GEN1: variants seen among roughly 807,000 people sequenced by gnomAD.
GEN1 encodes the protein GEN1 structure-specific endonuclease, also known as flap endonuclease GEN homolog 1.
Under a neutral mutation model 67.6 loss-of-function variants are expected in GEN1, and 64 were observed. The observed-to-expected ratio is 0.95, with a 90% CI of 0.77 to 1.17. The LOEUF (loss-of-function observed/expected upper bound fraction) is 1.17, where lower values mean the gene tolerates loss of function less well. Ranked by LOEUF, GEN1 falls within the 50% of genes most tolerant of loss-of-function variation. The pLI is 0.00. For synonymous variants in GEN1, 371 were observed against 359.4 expected (o/e 1.03, Z -0.37); for missense variants, 1,058 against 1,048.3 (o/e 1.01, Z -0.13).
At chr2:17,762,926 G>C (rs1671754570) in intron 3 of GEN1, among the ~76,000 whole-genome samples, 2 of 152,152 alleles carry the variant, frequency 1.3e-5, no homozygotes, top group African/African-American at 4.8e-5. Flanking sequence ...TAGGAGGCTT[G>C]TCTTTGTAAT....
chr2:17,768,569 T>C lies in GEN1; in HGVS notation c.637-169T>C, dbSNP rs968902488. Among the ~76,000 whole-genome samples the C allele has an allele frequency of 4.6e-5, 7 of 152,238 alleles. No individual in the cohort carries two copies. The East Asian group carries it at 1.2e-3, about 25-fold the overall frequency. On this transcript the variant is annotated intron_variant, in intron 5 of 13. Coordinates refer to ENST00000381254, the MANE Select transcript of GEN1 (RefSeq NM_001130009.3). ...TTACAAATCCTGATCATATACACTA[T>C]TGTGAAGTTTTTGTTTTATGCATAG...
Position 17,784,305 on chromosome 2 carries a change from A to T in GEN1, c.*2366A>T, listed in dbSNP as rs893423785. ...ACACCCAATGTCTACAATCAAAAAG[A>T]TAATAACTAGTATTGATGAGGATGT... is the stretch of plus-strand genomic sequence containing the variant. On this transcript the variant is annotated 3_prime_UTR_variant, in exon 14 of 14. Transcript: ENST00000381254. 1 of 152,226 alleles carries T rather than the reference A, an allele frequency of 6.6e-6. No individual in the cohort carries two copies. The highest frequency in any genetic ancestry group is 2.1e-4 in the South Asian group (1 of 4,832). 9.4% of individuals were successfully genotyped at this position (152,226 alleles called of 1,614,324 possible).
rs1672914003 is a variant in GEN1 at position 17,782,969 on chromosome 2, T to C, written c.*1030T>C. ...TGTATGCATCAAAAATTCTAAGAAA[T>C]CCACTAGAAAACTATTAAAACTGAT... is the stretch of plus-strand genomic sequence containing the variant. On this transcript the variant is annotated 3_prime_UTR_variant, in exon 14 of 14. Coordinates refer to ENST00000381254, the MANE Select transcript of GEN1 (RefSeq NM_001130009.3). 1 of 152,126 alleles carries C rather than the reference T, an allele frequency of 6.6e-6. No individual in the cohort carries two copies. The highest frequency in any genetic ancestry group is 2.4e-5 in the African/African-American group (1 of 41,432). 9.4% of individuals were successfully genotyped at this position (152,126 alleles called of 1,614,324 possible).
Position 17,771,270 on chromosome 2 carries a change from C to T in GEN1, c.785C>T (p.Ser262Phe). ...GTCACTAAAAAACTGGCTCATTGTTCCGTATGTTCCCATCCAGGTAAGGAG... is the reference window on the plus strand; with the variant it reads ...GTCACTAAAAAACTGGCTCATTGTTTCGTATGTTCCCATCCAGGTAAGGAG... ...LLVTKKLAHCSVCSHPGSPKD... is the reference protein window; with the variant it reads ...LLVTKKLAHCFVCSHPGSPKD... Residue 262 changes from serine to phenylalanine, a missense_variant, in exon 7 of 14, where the codon TCC (serine) becomes TTC (phenylalanine). Ser to Phe is a radical substitution (Grantham distance 155, BLOSUM62 -2). Transcript: ENST00000381254. 6.3e-7 allele frequency: 1 copy of T among 1,599,724 alleles called. No individual in the cohort carries two copies. The highest frequency in any genetic ancestry group is 8.6e-7 in the Non-Finnish European group (1 of 1,167,310).
chr2:17,763,939 T>A (rs930600718), intron 3 of GEN1, among the ~76,000 whole-genome samples: 1 of 152,244 alleles, frequency 6.6e-6, no homozygotes, highest in Non-Finnish European at 1.5e-5. Context: ...ATTTATTCTG[T>A]CAGTCTCTAG....
In GEN1 at chr2:17,768,726, A is replaced by G. The variant is rs1377858827; in HGVS notation, c.637-12A>G. On this transcript the variant is annotated splice_polypyrimidine_tract_variant and intron_variant, in intron 5 of 13. Transcript: ENST00000381254. The stretch of plus-strand genomic sequence containing the variant: ...TAACATTGGAATTATTTTTTTTCCC[A>G]CTTTCTGAAAGGGAGTCCCTGGAGT... 2 of 1,594,558 alleles carry G rather than the reference A, an allele frequency of 1.3e-6. No individual in the cohort carries two copies. Among genetic ancestry groups the G allele is most frequent in the Admixed American group, 3.4e-5 (2 of 58,680 alleles).
Position 17,783,258 on chromosome 2 carries a change from CT to C in GEN1, c.*1321del, listed in dbSNP as rs1217604702. 1 of 152,184 alleles carries C rather than the reference CT, an allele frequency of 6.6e-6. No individual in the cohort carries two copies. The highest frequency in any genetic ancestry group is 1.9e-4 in the East Asian group (1 of 5,200). 9.4% of individuals were successfully genotyped at this position (152,184 alleles called of 1,614,324 possible). A position where few individuals can be genotyped will look rare whatever the true frequency, so the allele number is the denominator to read the frequency against. On this transcript the variant is annotated 3_prime_UTR_variant, in exon 14 of 14. Transcript: ENST00000381254. ...ATTTTTAGTAGAGATGGGATTTTCCCTTGTTGGTCAGGCTAGTCATGAACTC... is the reference window on the plus strand; with the variant it reads ...ATTTTTAGTAGAGATGGGATTTTCCCTGTTGGTCAGGCTAGTCATGAACTC...
In GEN1 at chr2:17,781,109, T is replaced by G. The variant is rs145621452; in HGVS notation, c.1897T>G (p.Ser633Ala). ...CTTTGAAAATATCCCAGAACAACTG[T>G]CCTGTGAATCAGAAAGGTACACTGC... ...DGFENIPEQL[S>A]CESERYTANI... Residue 633 changes from serine (S) to alanine (A), a missense_variant, in exon 14 of 14, where the codon TCC becomes GCC. Coordinates refer to ENST00000381254, the MANE Select transcript of GEN1 (RefSeq NM_001130009.3). 88 of 1,613,710 alleles carry G rather than the reference T, an allele frequency of 5.5e-5. No individual in the cohort carries two copies. In the African/African-American group the frequency reaches 1.1e-3, roughly 21 times the overall value.
intron 7 of GEN1, 39 bp downstream of exon 7, chr2:17,771,326 C>A: frequency 8.6e-7 from 1 of 1,165,062 alleles, no homozygotes; most frequent in Non-Finnish European, 1.3e-6. Flanking sequence ...TATCTCATAC[C>A]CATGTTTTAA....
At chr2:17,768,166 G>C (rs1315331610) in intron 5 of GEN1, among the ~76,000 whole-genome samples, 1 of 152,136 alleles carries the variant, frequency 6.6e-6, no homozygotes, top group South Asian at 2.1e-4. Flanking sequence ...CACTTATAGG[G>C]GCTGGAAGAC....
At position 17,764,999 on chromosome 2, in the gene GEN1, T is replaced by G; in HGVS notation, c.451T>G (p.Cys151Gly). The change falls in exon 4 of 14, where the codon TGC becomes GGC. Residue 151 changes from cysteine (C) to glycine (G), a missense_variant. Physicochemically the swap from Cys to Gly is radical, Grantham distance 159. Transcript: ENST00000381254. The part of the protein sequence containing the change: ...YLNAGGHVDG[C>G]LTNDGDTFLY... The stretch of plus-strand genomic sequence containing the variant: ...CAATGCTGGTGGTCATGTCGATGGC[T>G]GCCTCACCAATGATGGAGATACTTT... The G allele has an allele frequency of 1.2e-6, 2 of 1,614,190 alleles. No individual in the cohort carries two copies. Among genetic ancestry groups the G allele is most frequent in the Non-Finnish European group, 1.7e-6 (2 of 1,180,004 alleles).
rs113873109 is a variant in GEN1 at position 17,781,727 on chromosome 2, A to T, written c.2515A>T (p.Lys839Ter). The T allele has an allele frequency of 2.3e-6, 3 of 1,305,722 alleles. No homozygotes were observed. The highest frequency in any genetic ancestry group is 3.2e-6 in the Non-Finnish European group (3 of 927,666). The allele number at this position is 1,305,722 out of a possible 1,614,324, so 80.9% of individuals were successfully genotyped here. A position where few individuals can be genotyped will look rare whatever the true frequency, so the allele number is the denominator to read the frequency against. ...SSHFKESGHN[K>*]LSSPKIHIKE... Reference sequence around the variant, plus strand: ...CCATTTCAAAGAAAGTGGCCATAACAAGTTGAGTAGCCCTAAGATACATAT... The same window carrying T: ...CCATTTCAAAGAAAGTGGCCATAACTAGTTGAGTAGCCCTAAGATACATAT... Residue 839 changes from lysine (K) to a stop codon, truncating the protein, a stop_gained, in exon 14 of 14, where the codon AAG (lysine) becomes TAG (stop). Coordinates refer to ENST00000381254, the MANE Select transcript of GEN1 (RefSeq NM_001130009.3). LOFTEE classifies it low-confidence loss of function (END_TRUNC).
chr2:17,785,736 AT>A lies in GEN1; in HGVS notation c.*3798del, dbSNP rs889466495. 2 of 152,256 alleles carry A rather than the reference AT, an allele frequency of 1.3e-5. No individual in the cohort carries two copies. The highest frequency in any genetic ancestry group is 2.4e-5 in the African/African-American group (1 of 41,400). 9.4% of individuals were successfully genotyped at this position (152,256 alleles called of 1,614,324 possible). On this transcript the variant is annotated 3_prime_UTR_variant, in exon 14 of 14. Coordinates refer to ENST00000381254, the MANE Select transcript of GEN1 (RefSeq NM_001130009.3). ...TGGTGAAACCCCATCTCTACTAAAA[AT>A]ACAAAAATCAGTGGGGCCTGGTGGC...
At position 17,774,342 on chromosome 2, in the gene GEN1, T is replaced by C. The variant is rs1672330574; in HGVS notation, c.1143T>C (p.His381=). 1 of 1,606,548 alleles carries C rather than the reference T, an allele frequency of 6.2e-7. No homozygotes were observed. Among genetic ancestry groups the C allele is most frequent in the Non-Finnish European group, 8.5e-7 (1 of 1,174,944 alleles). The change falls in exon 11 of 14, where the codon CAT becomes CAC. Residue 381 remains histidine (H), a synonymous_variant. Transcript: ENST00000381254. ...ACEKLLVLLT[H]YDMIERKLGS... is the part of the protein sequence containing the mutation. ...AGAAATTGCTGGTACTTTTGACCCATTATGACATGATAGAAAGAAAGCTTG... is the reference window on the plus strand; with the variant it reads ...AGAAATTGCTGGTACTTTTGACCCACTATGACATGATAGAAAGAAAGCTTG...
rs1309131351 is a variant in GEN1 at position 17,782,169 on chromosome 2, A to G, written c.*230A>G. ...TAATGTATGTCATTATGTCCTTACT[A>G]TTCCTTAATTGTAGTTTTAAAATAT... is the stretch of plus-strand genomic sequence containing the variant. On this transcript the variant is annotated 3_prime_UTR_variant, in exon 14 of 14. Transcript: ENST00000381254. The G allele has an allele frequency of 8.3e-6, 3 of 360,642 alleles. No homozygotes were observed. Among genetic ancestry groups the G allele is most frequent in the Non-Finnish European group, 1.5e-5 (3 of 201,832 alleles). The allele number at this position is 360,642 out of a possible 1,614,324, so 22.3% of individuals were successfully genotyped here.
In GEN1 at chr2:17,778,378, A is replaced by G. The variant is rs569269268; in HGVS notation, c.1264+315A>G. Among the ~76,000 whole-genome samples the G allele has an allele frequency of 1.0e-4, 2 of 20,026 alleles. 1 individual carries two copies. Among genetic ancestry groups the G allele is most frequent in the African/African-American group, 3.0e-4 (2 of 6,732 alleles). 13.1% of individuals were successfully genotyped at this position (20,026 alleles called of 152,430 possible). A position where few individuals can be genotyped will look rare whatever the true frequency, so the allele number is the denominator to read the frequency against. On this transcript the variant is annotated intron_variant, in intron 12 of 13. Coordinates refer to ENST00000381254, the MANE Select transcript of GEN1 (RefSeq NM_001130009.3). The stretch of plus-strand genomic sequence containing the variant: ...TGTACATATATGTATATACACACAC[A>G]TATATGTGTGTACATATATGTATAT...
chr2:17,780,773 T>C lies in GEN1; in HGVS notation c.1561T>C (p.Ser521Pro). 1 of 1,614,012 alleles carries C rather than the reference T, an allele frequency of 6.2e-7. No homozygotes were observed. The highest frequency in any genetic ancestry group is 8.5e-7 in the Non-Finnish European group (1 of 1,179,926). The change falls in exon 14 of 14, where the codon TCT becomes CCT. Residue 521 changes from serine (S) to proline (P), a missense_variant. Coordinates refer to ENST00000381254, the MANE Select transcript of GEN1 (RefSeq NM_001130009.3). ...CCCTGATCCTACATTACCACAGGAA[T>C]CTATTTCTGCCTCATTGAATAGCTT... is the stretch of plus-strand genomic sequence containing the variant. ...ISPDPTLPQE[S>P]ISASLNSLLL...
At chr2:17,756,796 T>C (rs1432780546) in intron 1 of GEN1, among the ~76,000 whole-genome samples, 1 of 152,210 alleles carries the variant, frequency 6.6e-6, no homozygotes, top group African/African-American at 2.4e-5. Flanking sequence ...GATTATGACC[T>C]CATGCAAGAA....
chr2:17,767,021 G>A (rs1182728609), intron 5 of GEN1, among the ~76,000 whole-genome samples: 1 of 152,076 alleles, frequency 6.6e-6, no homozygotes, highest in Non-Finnish European at 1.5e-5. Flanking sequence ...CTTGTATTAT[G>A]CCATTGTTTC....
Sources: allele counts gnomAD v4.1 joint callset (sites outside exome capture counted in the v4.1 genomes callset), GRCh38; gene constraint gnomAD v4.1.1; transcripts MANE v1.5; gene names NCBI Gene and HGNC (gene_info 2026-07-23, HGNC 2026-07-21).